The following DSCAML1 variants were observed in gnomAD, a reference collection of about 807,000 sequenced individuals.
The protein encoded by DSCAML1 is cell adhesion molecule DSCAML1.
A neutral mutation model predicts 200.5 loss-of-function variants in DSCAML1; 38 were observed. The observed-to-expected ratio is 0.19, with a 90% CI of 0.15 to 0.25. DSCAML1 has a LOEUF of 0.25. DSCAML1 is among the 10% of genes least tolerant of loss of function. The pLI is 1.00. For missense variants in DSCAML1, 2,223 were observed against 2,858.8 expected (o/e 0.78, Z 5.07); for synonymous variants, 1,215 against 1,165.0 (o/e 1.04, Z -0.87).
Position 117,503,320 on chromosome 11 carries a change from G to T in DSCAML1, c.2359+525C>A, listed in dbSNP as rs1053505246. Among the ~76,000 whole-genome samples the T allele has an allele frequency of 6.6e-6, 1 of 152,086 alleles. No homozygotes were observed. The highest frequency in any genetic ancestry group is 2.4e-5 in the African/African-American group (1 of 41,398). ...TCAGTGGGCTGGGAAGGGAACCCTC[G>T]TACAGGTGAGGAAACTGGAGCACAG... On this transcript the variant is annotated intron_variant, in intron 11 of 32. Coordinates refer to ENST00000651296, the MANE Select transcript of DSCAML1 (RefSeq NM_020693.4). This position sits in a 1 kb window ranked among gnomAD's most constrained non-coding sequence, Gnocchi z 5.2.
intron 11 of DSCAML1, among the ~76,000 whole-genome samples, chr11:117,492,780 CT>C (rs2049212009): frequency 6.6e-6 from 1 of 152,204 alleles, no homozygotes; most frequent in African/African-American, 2.4e-5. Context: ...ATCTCCAGGC[CT>C]CCCCTGGGAA....
chr11:117,502,502 G>A (rs1286973157), intron 11 of DSCAML1, among the ~76,000 whole-genome samples: 3 of 152,198 alleles, frequency 2.0e-5, no homozygotes, highest in African/African-American at 7.2e-5. Context: ...ATAGTGTGAG[G>A]GAAGTGGCTC....
chr11:117,434,469 GCCAT>G (rs971909536), intron 27 of DSCAML1, among the ~76,000 whole-genome samples: 4 of 151,440 alleles, frequency 2.6e-5, no homozygotes, highest in Admixed American at 2.6e-4. Flanking sequence ...TTTCCATCCA[GCCAT>G]CCATCCATCT....
At chr11:117,602,119 A>G (rs2051477483) in intron 3 of DSCAML1, among the ~76,000 whole-genome samples, 1 of 152,262 alleles carries the variant, frequency 6.6e-6, no homozygotes, top group Non-Finnish European at 1.5e-5. Flanking sequence ...TCAGCTGGGC[A>G]TGGCCCAGAG....
intron 1 of DSCAML1, among the ~76,000 whole-genome samples, chr11:117,811,537 T>G: frequency 6.6e-6 from 1 of 152,136 alleles, no homozygotes; most frequent in East Asian, 1.9e-4. Context: ...CAGAACCTCC[T>G]CCCCCAGGAG....
chr11:117,572,443 G>A (rs553778506), intron 3 of DSCAML1, among the ~76,000 whole-genome samples: 1 of 152,210 alleles, frequency 6.6e-6, no homozygotes, highest in African/African-American at 2.4e-5. Flanking sequence ...CCATGATAAT[G>A]AATGTGGATT....
intron 5 of DSCAML1, among the ~76,000 whole-genome samples, chr11:117,522,868 C>A (rs1210867457): frequency 6.6e-6 from 1 of 152,096 alleles, no homozygotes; most frequent in African/African-American, 2.4e-5. Flanking sequence ...GAGAGGCTGG[C>A]AGATGGAGAA....
At chr11:117,791,256 T>C (rs2055461043) in intron 1 of DSCAML1, among the ~76,000 whole-genome samples, 1 of 152,182 alleles carries the variant, frequency 6.6e-6, no homozygotes, top group African/African-American at 2.4e-5. Context: ...GACTAGGTCA[T>C]GGAAGGAAGA....
chr11:117,482,969 A>G (rs117319080), intron 11 of DSCAML1, among the ~76,000 whole-genome samples: 1,530 of 152,268 alleles, frequency 0.01, 33 homozygotes, highest in South Asian at 0.015. Flanking sequence ...GGACACCACT[A>G]CAAGAAGTAA....
chr11:117,813,486 T>C lies in DSCAML1; in HGVS notation c.-250+3904A>G, dbSNP rs189109106. Among the ~76,000 whole-genome samples the C allele has an allele frequency of 3.0e-4, 46 of 152,366 alleles. No homozygotes were observed. The East Asian group carries it at 8.5e-3, about 28-fold the overall frequency. On this transcript the variant is annotated intron_variant, in intron 1 of 2. Coordinates refer to the DSCAML1 transcript ENST00000525836. The stretch of plus-strand genomic sequence containing the variant: ...ATCTCCAAATTGCCACTCTTAACTC[T>C]TGAAGTAAATAAATAATCTTTGCTG...
At chr11:117,496,297 C>T (rs1475473566) in intron 11 of DSCAML1, among the ~76,000 whole-genome samples, 4 of 152,160 alleles carry the variant, frequency 2.6e-5, no homozygotes, top group Non-Finnish European at 5.9e-5. Flanking sequence ...TGTCACCAGG[C>T]TGGACACCCG....
Position 117,640,085 on chromosome 11 carries a change from G to A in DSCAML1, c.512-107563C>T, listed in dbSNP as rs114019622. ...AAGCTTCCTCAGATGCAGCAGCCCC[G>A]TCTTGTTCTGCAGTGACAGTTCCCA... On this transcript the variant is annotated intron_variant, in intron 3 of 32. Transcript: ENST00000651296. Among the ~76,000 whole-genome samples the A allele has an allele frequency of 3.4e-3, 521 of 152,282 alleles. 5 individuals carry two copies. The highest frequency in any genetic ancestry group is 0.012 in the African/African-American group (491 of 41,548).
chr11:117,460,031 G>C (rs2048448326), intron 18 of DSCAML1, among the ~76,000 whole-genome samples: 1 of 152,252 alleles, frequency 6.6e-6, no homozygotes, highest in Admixed American at 6.5e-5. Context: ...CCAGAGAAAG[G>C]GCAGGAAGAG....
rs905081742 is a variant in DSCAML1, at chr11:117,440,558, T to C, written c.3863-622A>G. Among the ~76,000 whole-genome samples the C allele has an allele frequency of 2.0e-5, 3 of 152,096 alleles. No homozygotes were observed. The South Asian group carries it at 6.2e-4, about 32-fold the overall frequency. On this transcript the variant is annotated intron_variant, in intron 21 of 32. Coordinates refer to ENST00000651296, the MANE Select transcript of DSCAML1 (RefSeq NM_020693.4). ...CGGGCAGAAGTAGAATCTTGGGGGC[T>C]TTGTTGGCAGGGCCAGGAGACTGGA... is the stretch of plus-strand genomic sequence containing the variant.
At chr11:117,486,474 T>TGGATGTGAAAATGGC (rs1396520677) in intron 11 of DSCAML1, among the ~76,000 whole-genome samples, 4 of 150,186 alleles carry the variant, frequency 2.7e-5, no homozygotes, top group Non-Finnish European at 5.9e-5. Context: ...GTGAAAATGG[T>TGGATGTGAAAATGGC]GGATGTGAAA....
chr11:117,577,227 G>A (rs1043103177), intron 3 of DSCAML1, among the ~76,000 whole-genome samples: 2 of 152,070 alleles, frequency 1.3e-5, no homozygotes, highest in Non-Finnish European at 2.9e-5. Flanking sequence ...AGCTGTACCA[G>A]AATCACCTGG....
At position 117,701,290 on chromosome 11, in the gene DSCAML1, TA is replaced by T. The variant is rs1335314016; in HGVS notation, c.511+75500del. The stretch of plus-strand genomic sequence containing the variant: ...CAAAATAAATAAATAAATAAATAAA[TA>T]AATAAGGCAAAACTGAAGGAGAGGC... On this transcript the variant is annotated intron_variant, in intron 3 of 32. Coordinates refer to ENST00000651296, the MANE Select transcript of DSCAML1 (RefSeq NM_020693.4). Among the ~76,000 whole-genome samples, 3 of 151,102 alleles carry T rather than the reference TA, an allele frequency of 2.0e-5. No homozygotes were observed. The South Asian group carries it at 6.2e-4, about 31-fold the overall frequency.
Position 117,604,814 on chromosome 11 carries a change from T to C in DSCAML1, c.512-72292A>G, listed in dbSNP as rs192865272. Among the ~76,000 whole-genome samples the C allele has an allele frequency of 5.8e-3, 885 of 152,272 alleles. 14 individuals are homozygous for C. Among genetic ancestry groups the C allele is most frequent in the Admixed American group, 0.035 (531 of 15,304 alleles). Reference sequence around the variant, plus strand: ...TAGCAATGGAAAAAGATCTCTCCCATGCCGCTCTGTCTGCCCGTGGCTCCT... The same window carrying C: ...TAGCAATGGAAAAAGATCTCTCCCACGCCGCTCTGTCTGCCCGTGGCTCCT... On this transcript the variant is annotated intron_variant, in intron 3 of 32. Coordinates refer to ENST00000651296, the MANE Select transcript of DSCAML1 (RefSeq NM_020693.4).
chr11:117,467,777 A>T (rs1165021473), intron 16 of DSCAML1, among the ~76,000 whole-genome samples: 1 of 152,212 alleles, frequency 6.6e-6, no homozygotes, highest in Non-Finnish European at 1.5e-5. Flanking sequence ...ACACACATAC[A>T]CACAGACATC....
Sources: allele counts gnomAD v4.1 joint callset (sites outside exome capture counted in the v4.1 genomes callset), GRCh38; gene constraint gnomAD v4.1.1; non-coding constraint Gnocchi (gnomAD v3.1); transcripts MANE v1.5; gene names NCBI Gene and HGNC (gene_info 2026-07-23, HGNC 2026-07-21).